Variants in GSE1 observed in about 807,000 individuals in gnomAD.
The protein encoded by GSE1 is Gse1 coiled-coil protein, also known as genetic suppressor element 1.
Under a neutral mutation model 112.6 loss-of-function variants are expected in GSE1, and 32 were observed. The ratio of observed to expected loss-of-function variants is 0.28; its 90% CI spans 0.21 to 0.38. GSE1 has a LOEUF of 0.38. Ranked by LOEUF, GSE1 falls within the 10% of genes least tolerant of loss-of-function variation. The pLI is 1.00. For synonymous variants in GSE1, 1,115 were observed against 735.6 expected (o/e 1.52, Z -8.35); for missense variants, 2,348 against 1,699.2 (o/e 1.38, Z -6.71).
At chr16:85,313,554 C>T (rs1322950292) in intron 1 of GSE1, among the ~76,000 whole-genome samples, 1 of 152,116 alleles carries the variant, frequency 6.6e-6, no homozygotes, top group African/African-American at 2.4e-5. Flanking sequence ...CCTGCCCCCT[C>T]CCTGCCCTTT....
rs776977653 is a variant in GSE1, at chr16:85,666,542, C to T, written c.3130+195C>T. The T allele has an allele frequency of 3.4e-4, 208 of 615,252 alleles. 1 individual carries two copies. The highest frequency in any genetic ancestry group is 6.1e-4 in the South Asian group (31 of 50,790). 38.1% of individuals were successfully genotyped at this position (615,252 alleles called of 1,614,324 possible). A position where few individuals can be genotyped will look rare whatever the true frequency, so the allele number is the denominator to read the frequency against. On this transcript the variant is annotated intron_variant, in intron 13 of 15. Transcript: ENST00000253458. ...ATCTCCAAGCTCTAAAACCTGAACTCGTAGGTGAGAAACGTTTGTAGGCAC... is the reference window on the plus strand; with the variant it reads ...ATCTCCAAGCTCTAAAACCTGAACTTGTAGGTGAGAAACGTTTGTAGGCAC...
chr16:85,173,234 G>C (rs1038986841), intron 1 of GSE1, among the ~76,000 whole-genome samples: 5 of 152,234 alleles, frequency 3.3e-5, no homozygotes, highest in Non-Finnish European at 1.5e-5. Flanking sequence ...TCATTTTATA[G>C]ATGAGTCAAC....
chr16:85,654,691 C>A, intron 4 of GSE1, 103 bp from the exon 5 acceptor site: 1 of 803,156 alleles, frequency 1.2e-6, no homozygotes, highest in Non-Finnish European at 2.1e-6. Context: ...AGTCTGGGTG[C>A]CGACTGAGCG....
chr16:85,621,088 A>C (rs780354590), intron 1 of GSE1, among the ~76,000 whole-genome samples: 2 of 81,188 alleles, frequency 2.5e-5, no homozygotes. Context: ...GGATCTCTGC[A>C]CTGTTGGGGA....
At chr16:85,616,768 C>T (rs997682153) in intron 1 of GSE1, among the ~76,000 whole-genome samples, 12 of 152,100 alleles carry the variant, frequency 7.9e-5, no homozygotes, top group African/African-American at 2.9e-4. Context: ...GCTTCACTTC[C>T]GCATGCTGGC....
chr16:85,498,034 C>T (rs2051239128), intron 2 of GSE1, among the ~76,000 whole-genome samples: 1 of 151,848 alleles, frequency 6.6e-6, no homozygotes, highest in African/African-American at 2.4e-5. Context: ...GCAGGAGCAC[C>T]ACACCTCAGT....
intron 1 of GSE1, among the ~76,000 whole-genome samples, chr16:85,603,188 G>C (rs2047540824): frequency 2.0e-5 from 3 of 152,262 alleles, no homozygotes; most frequent in Admixed American, 2.0e-4. Flanking sequence ...TAGGTCTGCA[G>C]CTTTGAGGGA....
intron 2 of GSE1, among the ~76,000 whole-genome samples, chr16:85,477,950 A>G (rs1201692093): frequency 3.3e-5 from 5 of 152,054 alleles, no homozygotes; most frequent in African/African-American, 1.2e-4. Flanking sequence ...CATGGTGTTG[A>G]GTCATCACGA....
intron 1 of GSE1, among the ~76,000 whole-genome samples, chr16:85,624,147 G>T (rs367572731): frequency 6.6e-6 from 1 of 152,198 alleles, no homozygotes; most frequent in African/African-American, 2.4e-5. Flanking sequence ...GCCACCCGCC[G>T]TCCCACGGAA....
At chr16:85,507,172 A>G (rs955912193) in intron 2 of GSE1, among the ~76,000 whole-genome samples, 2 of 152,206 alleles carry the variant, frequency 1.3e-5, no homozygotes, top group Admixed American at 1.3e-4. Flanking sequence ...TTAATTTGCC[A>G]GTCTGTGGGT....
intron 1 of GSE1, among the ~76,000 whole-genome samples, chr16:85,327,757 A>G (rs910841260): frequency 2.6e-5 from 4 of 152,256 alleles, no homozygotes; most frequent in Admixed American, 6.5e-5. Flanking sequence ...GCATGGATTC[A>G]TACAGGCCAT....
chr16:85,297,632 T>C (rs945275168), intron 1 of GSE1, among the ~76,000 whole-genome samples: 2 of 152,176 alleles, frequency 1.3e-5, no homozygotes, highest in African/African-American at 4.8e-5. Flanking sequence ...CCCTTGTAGC[T>C]GGGTTCACAG....
At chr16:85,182,329 A>G (rs1046080641) in intron 1 of GSE1, among the ~76,000 whole-genome samples, 3 of 152,126 alleles carry the variant, frequency 2.0e-5, no homozygotes, top group African/African-American at 7.2e-5. Context: ...TGTCCAAGAA[A>G]CCAGGCAGGC....
intron 1 of GSE1, among the ~76,000 whole-genome samples, chr16:85,343,021 C>G (rs969926334): frequency 3.2e-4 from 49 of 151,988 alleles, no homozygotes; most frequent in African/African-American, 1.2e-3. Context: ...GTGGAGAAGG[C>G]CTGGGGGTGC....
At position 85,312,208 on chromosome 16, in the gene GSE1, G is replaced by T. The variant is rs929384418; in HGVS notation, c.2284-45255G>T. On this transcript the variant is annotated intron_variant, in intron 1 of 2. Transcript: ENST00000637419. ...GTGGTCTCTCTGATCCTCTTGCGGGGGGGGGGGGGACACACTTACCCCCAA... is the reference window on the plus strand; with the variant it reads ...GTGGTCTCTCTGATCCTCTTGCGGGTGGGGGGGGGACACACTTACCCCCAA... Among the ~76,000 whole-genome samples the T allele has an allele frequency of 5.2e-4, 77 of 149,402 alleles. 5 individuals carry two copies. The highest frequency in any genetic ancestry group is 8.3e-4 in the Non-Finnish European group (56 of 67,872).
At position 85,292,475 on chromosome 16, in the gene GSE1, C is replaced by T. The variant is rs137892587; in HGVS notation, c.2284-64988C>T. On this transcript the variant is annotated intron_variant, in intron 1 of 2. Coordinates refer to the GSE1 transcript ENST00000637419. ...TCCCGAGTAGCTGGGATTACAAGCA[C>T]GTGCCACCACGTCCAGCTAATTTTT... Among the ~76,000 whole-genome samples the T allele has an allele frequency of 1.2e-3, 183 of 152,176 alleles. 2 individuals carry two copies. The highest frequency in any genetic ancestry group is 4.3e-3 in the African/African-American group (178 of 41,516).
intron 2 of GSE1, among the ~76,000 whole-genome samples, chr16:85,458,313 G>T (rs568128417): frequency 1.3e-5 from 2 of 152,370 alleles, no homozygotes; most frequent in Non-Finnish European, 2.9e-5. Flanking sequence ...CACAGCTGAG[G>T]TAGAAGCTTC....
intron 2 of GSE1, among the ~76,000 whole-genome samples, chr16:85,524,373 A>T (rs7500151): frequency 1.3e-5 from 2 of 151,658 alleles, no homozygotes; most frequent in Non-Finnish European, 2.9e-5. Context: ...GCCTCTGTCT[A>T]CTTATCTAGT....
chr16:85,652,548 C>T (rs892805073), intron 3 of GSE1, among the ~76,000 whole-genome samples: 6 of 148,408 alleles, frequency 4.0e-5, no homozygotes, highest in African/African-American at 1.0e-4. Context: ...AGATTCCAGG[C>T]GGCGGCGGCG....
Sources: allele counts gnomAD v4.1 joint callset (sites outside exome capture counted in the v4.1 genomes callset), GRCh38; gene constraint gnomAD v4.1.1; transcripts MANE v1.5; gene names NCBI Gene and HGNC (gene_info 2026-07-23, HGNC 2026-07-21).